RGS12: variants seen among roughly 807,000 people sequenced by gnomAD.
RGS12 encodes regulator of G-protein signaling 12.
A neutral mutation model predicts 120.1 loss-of-function variants in RGS12; 66 were observed. The ratio of observed to expected loss-of-function variants is 0.55; its 90% CI spans 0.45 to 0.67. The LOEUF is 0.67. RGS12 is among the 30% of genes least tolerant of loss of function. The pLI, the probability that RGS12 is intolerant of heterozygous loss-of-function variation, is 0.00. For missense variants in RGS12, 1,859 were observed against 1,957.7 expected (o/e 0.95, Z 0.95); for synonymous variants, 827 against 804.7 (o/e 1.03, Z -0.47).
At chr4:3,405,820 G>C (rs965157538) in intron 4 of RGS12, among the ~76,000 whole-genome samples, 1 of 152,142 alleles carries the variant, frequency 6.6e-6, no homozygotes, top group Non-Finnish European at 1.5e-5. Flanking sequence ...GGAAGAATGC[G>C]GACATTTGGT....
chr4:3,373,689 T>C (rs1389190459), intron 3 of RGS12, among the ~76,000 whole-genome samples: 2 of 152,184 alleles, frequency 1.3e-5, no homozygotes, highest in Admixed American at 6.5e-5. Flanking sequence ...TGCCCGCCTG[T>C]GTCCTGCTGT....
chr4:3,333,034 C>T (rs1247641059), intron 2 of RGS12, among the ~76,000 whole-genome samples: 1 of 146,784 alleles, frequency 6.8e-6, no homozygotes, highest in Non-Finnish European at 1.5e-5. Context: ...CCATGTTGGT[C>T]AGGCTGGTCT....
chr4:3,308,347 G>T (rs994410002), intron 1 of RGS12, among the ~76,000 whole-genome samples: 5 of 152,244 alleles, frequency 3.3e-5, no homozygotes, highest in Non-Finnish European at 5.9e-5. Flanking sequence ...ACTGTCACAG[G>T]ACTCAGGGCA....
Position 3,359,681 on chromosome 4 carries a change from GA to G in RGS12, c.1998+16629del, listed in dbSNP as rs571450247. Among the ~76,000 whole-genome samples, 8 of 143,112 alleles carry G rather than the reference GA, an allele frequency of 5.6e-5. No homozygotes were observed. The South Asian group carries it at 1.1e-3, about 20-fold the overall frequency. The allele number at this position is 143,112 out of a possible 152,430, so 93.9% of individuals were successfully genotyped here. A position where few individuals can be genotyped will look rare whatever the true frequency, so the allele number is the denominator to read the frequency against. On this transcript the variant is annotated intron_variant, in intron 3 of 17. Coordinates refer to ENST00000336727, the MANE Select transcript of RGS12 (RefSeq NM_001394154.1). ...TCTTTTGCCCAGGCTGGAGTGCTGT[GA>G]CACAATCTCAGCTCATTGCAAACTC...
chr4:3,427,471 C>T (rs1326183896), intron 14 of RGS12, among the ~76,000 whole-genome samples: 2 of 152,248 alleles, frequency 1.3e-5, no homozygotes, highest in East Asian at 1.9e-4. Context: ...CACAGTGGCT[C>T]ATGCCTGTAA....
intron 2 of RGS12, among the ~76,000 whole-genome samples, chr4:3,340,950 C>T (rs1184388773): frequency 6.6e-6 from 1 of 152,064 alleles, no homozygotes; most frequent in Admixed American, 6.5e-5. Flanking sequence ...TGGCACCTGG[C>T]CGCTGTGCTT....
Position 3,422,369 on chromosome 4 carries a change from T to C in RGS12, c.2839-7T>C. On this transcript the variant is annotated splice_region_variant and splice_polypyrimidine_tract_variant and intron_variant, in intron 10 of 17. Transcript: ENST00000336727. ...CCCTCACGGCTGCTTGTCTCGCTGC[T>C]CCCCAGTCGGAGGCCTGCAGGACTT... 2 of 1,607,976 alleles carry C rather than the reference T, an allele frequency of 1.2e-6. No individual in the cohort carries two copies. Among genetic ancestry groups the C allele is most frequent in the Non-Finnish European group, 1.7e-6 (2 of 1,177,112 alleles).
At chr4:3,352,545 T>C (rs1714464814) in intron 3 of RGS12, among the ~76,000 whole-genome samples, 1 of 152,210 alleles carries the variant, frequency 6.6e-6, no homozygotes, top group African/African-American at 2.4e-5. Flanking sequence ...CACATTATGG[T>C]AAACTATGTG....
rs1718863028 is a variant in RGS12 at position 3,386,449 on chromosome 4, T to C, written c.2020+12T>C. Reference sequence around the variant, plus strand: ...TGTGTCTGATGGCGGTAAGTCACAATTTCTGATGTATATATTTTTTATTTT... The same window carrying C: ...TGTGTCTGATGGCGGTAAGTCACAACTTCTGATGTATATATTTTTTATTTT... On this transcript the variant is annotated intron_variant, in intron 4 of 17. Coordinates refer to ENST00000336727, the MANE Select transcript of RGS12 (RefSeq NM_001394154.1). 1.2e-6 allele frequency: 2 copies of C among 1,603,034 alleles called. No homozygotes were observed. The highest frequency in any genetic ancestry group is 1.7e-6 in the Non-Finnish European group (2 of 1,170,676).
chr4:3,397,841 G>A (rs760626807), intron 4 of RGS12, among the ~76,000 whole-genome samples: 2 of 152,338 alleles, frequency 1.3e-5, no homozygotes, highest in East Asian at 1.9e-4. Context: ...CAGAAAAGGC[G>A]AGTCTCAAAC....
At position 3,372,472 on chromosome 4, in the gene RGS12, G is replaced by A. The variant is rs1196424609; in HGVS notation, c.1999-13944G>A. On this transcript the variant is annotated intron_variant, in intron 3 of 17. Coordinates refer to ENST00000336727, the MANE Select transcript of RGS12 (RefSeq NM_001394154.1). The surrounding 1 kb of genome is among the most constrained non-coding windows in gnomAD (Gnocchi z 4.3). The stretch of plus-strand genomic sequence containing the variant: ...CAAGCATGACAGTTGTCGCGGAGCC[G>A]CCCGAGCTGTTGGCTTCCCCGATGT... Among the ~76,000 whole-genome samples the A allele has an allele frequency of 6.6e-6, 1 of 152,240 alleles. No individual in the cohort carries two copies. The highest frequency in any genetic ancestry group is 1.5e-5 in the Non-Finnish European group (1 of 68,044).
chr4:3,437,411 C>G (rs1251344236), intron 17 of RGS12, among the ~76,000 whole-genome samples: 1 of 152,174 alleles, frequency 6.6e-6, no homozygotes, highest in Non-Finnish European at 1.5e-5. Context: ...GTTGCAGGCC[C>G]CTTCAGAGCC....
chr4:3,402,935 CTG>C (rs1400891201), intron 4 of RGS12, among the ~76,000 whole-genome samples: 5 of 152,208 alleles, frequency 3.3e-5, no homozygotes, highest in Admixed American at 3.3e-4. Context: ...TGAGGGCTCC[CTG>C]TGGTCAGATG....
In RGS12 at chr4:3,402,646, G is replaced by A. The variant is rs536735168; in HGVS notation, c.2021-11426G>A. Among the ~76,000 whole-genome samples the A allele has an allele frequency of 1.5e-4, 21 of 142,888 alleles. 1 individual carries two copies. Among genetic ancestry groups the A allele is most frequent in the Admixed American group, 8.2e-4 (12 of 14,614 alleles). The allele number at this position is 142,888 out of a possible 152,430, so 93.7% of individuals were successfully genotyped here. On this transcript the variant is annotated intron_variant, in intron 4 of 17. Coordinates refer to ENST00000336727, the MANE Select transcript of RGS12 (RefSeq NM_001394154.1). ...TTCTGCATTGGGTGGCGTCCTCTGC[G>A]TTGGGTGGCGTCCTCTGCGTTGGGT...
At chr4:3,369,703 T>C (rs2108883652) in intron 3 of RGS12, among the ~76,000 whole-genome samples, 1 of 152,366 alleles carries the variant, frequency 6.6e-6, no homozygotes, top group Admixed American at 6.5e-5. Flanking sequence ...TTTCTTTTTC[T>C]TTCCTCCTTC....
chr4:3,299,014 C>T (rs1723530027), intron 1 of RGS12, among the ~76,000 whole-genome samples: 1 of 152,200 alleles, frequency 6.6e-6, no homozygotes, highest in Non-Finnish European at 1.5e-5. Context: ...TTTCTTTGAA[C>T]ATCTAGTGTT....
chr4:3,406,246 G>A (rs1461257267), intron 4 of RGS12, among the ~76,000 whole-genome samples: 2 of 152,224 alleles, frequency 1.3e-5, no homozygotes, highest in Non-Finnish European at 2.9e-5. Flanking sequence ...CTCCTGCCTG[G>A]GCCGCCCTGT....
At chr4:3,396,660 C>A (rs1345725252) in intron 4 of RGS12, among the ~76,000 whole-genome samples, 2 of 152,184 alleles carry the variant, frequency 1.3e-5, no homozygotes, top group South Asian at 4.1e-4. Flanking sequence ...TGTCGTAATT[C>A]TCGTCCCTGG....
chr4:3,370,142 T>A lies in RGS12; in HGVS notation c.1999-16274T>A. On this transcript the variant is annotated intron_variant, in intron 3 of 17. Transcript: ENST00000336727. ...AGCTTCCTGCAGTGTCCTGTTGCCA[T>A]GGGTTACGAAGGGAGCGAGAGGGAA... 5 of 1,521,734 alleles carry A rather than the reference T, an allele frequency of 3.3e-6. No individual in the cohort carries two copies. The South Asian group carries it at 6.6e-5, about 20-fold the overall frequency. The allele number at this position is 1,521,734 out of a possible 1,614,324, so 94.3% of individuals were successfully genotyped here. A position where few individuals can be genotyped will look rare whatever the true frequency, so the allele number is the denominator to read the frequency against.
Sources: gnomAD v4.1 joint callset for allele counts (sites outside exome capture counted in the v4.1 genomes callset) on GRCh38, gnomAD v4.1.1 for gene constraint, Gnocchi (gnomAD v3.1) non-coding constraint, MANE v1.5 for transcripts, NCBI Gene and HGNC (gene_info 2026-07-23, HGNC 2026-07-21) for gene names.